SLC6A6: variants seen among roughly 807,000 people sequenced by gnomAD.
SLC6A6 encodes solute carrier family 6 member 6, also known as sodium- and chloride-dependent taurine transporter.
SLC6A6 carries 16 observed loss-of-function variants against 68.8 expected under a neutral mutation model. The ratio of observed to expected loss-of-function variants is 0.23; its 90% CI spans 0.16 to 0.35. SLC6A6 has a LOEUF of 0.35. SLC6A6 is among the 10% of genes least tolerant of loss of function. The pLI, the probability that SLC6A6 is intolerant of heterozygous loss-of-function variation, is 1.00. For synonymous variants in SLC6A6, 312 were observed against 315.4 expected (o/e 0.99, Z 0.12); for missense variants, 474 against 802.8 (o/e 0.59, Z 4.95).
chr3:14,433,101 CGTT>C (rs1699766872), intron 2 of SLC6A6, among the ~76,000 whole-genome samples: 2 of 9,328 alleles, frequency 2.1e-4, no homozygotes. Context: ...GAAGGTGGGA[CGTT>C]AGTGCTGTGA....
rs1429005207 is a variant in SLC6A6, at chr3:14,481,496, G to A, written c.1552-175G>A. Among the ~76,000 whole-genome samples, 1 of 152,012 alleles carries A rather than the reference G, an allele frequency of 6.6e-6. No individual in the cohort carries two copies. On this transcript the variant is annotated intron_variant, in intron 13 of 14. Transcript: ENST00000622186. The surrounding 1 kb of genome is among the most constrained non-coding windows in gnomAD (Gnocchi z 4.7). ...TTTGAGCAGGGAAACGACTTACTGTGTTTTTACCGGGGCGGGGGGGATCCT... is the reference window on the plus strand; with the variant it reads ...TTTGAGCAGGGAAACGACTTACTGTATTTTTACCGGGGCGGGGGGGATCCT...
chr3:14,405,452 C>T (rs781607854), intron 1 of SLC6A6, among the ~76,000 whole-genome samples: 1 of 152,210 alleles, frequency 6.6e-6, no homozygotes, highest in Non-Finnish European at 1.5e-5. Context: ...AACACATTCC[C>T]GTATATAGAA....
chr3:14,465,126 G>A (rs7611000), intron 6 of SLC6A6, among the ~76,000 whole-genome samples: 79,152 of 152,104 alleles, frequency 0.52, 22,021 homozygotes, highest in African/African-American at 0.72. Flanking sequence ...CACTAGGATC[G>A]AACTGTCCAT....
chr3:14,447,466 G>A, intron 4 of SLC6A6, 116 bp from the exon 5 acceptor site: 2 of 1,314,750 alleles, frequency 1.5e-6, no homozygotes, highest in Non-Finnish European at 2.1e-6. Context: ...GGTCACTGTT[G>A]AAAGGCCTCT....
chr3:14,441,640 T>C (rs1699990877), intron 2 of SLC6A6, among the ~76,000 whole-genome samples: 1 of 152,146 alleles, frequency 6.6e-6, no homozygotes, highest in South Asian at 2.1e-4. Context: ...GTGCCTCTGT[T>C]CCTCGAGCAC....
Position 14,468,537 on chromosome 3 carries a change from C to T in SLC6A6, c.1096+325C>T, listed in dbSNP as rs1158804177. Among the ~76,000 whole-genome samples the T allele has an allele frequency of 6.6e-6, 1 of 152,124 alleles. No homozygotes were observed. Among genetic ancestry groups the T allele is most frequent in the Non-Finnish European group, 1.5e-5 (1 of 68,016 alleles). On this transcript the variant is annotated intron_variant, in intron 9 of 14. Coordinates refer to ENST00000622186, the MANE Select transcript of SLC6A6 (RefSeq NM_003043.6). This position sits in a 1 kb window ranked among gnomAD's most constrained non-coding sequence, Gnocchi z 4.5. ...CTCCTGGTTTCCACAATAGAAACCA[C>T]TTTCCTAACTCAGGCCCAAGTCAGC...
intron 6 of SLC6A6, among the ~76,000 whole-genome samples, chr3:14,463,641 A>T (rs1406294020): frequency 6.6e-6 from 1 of 152,184 alleles, no homozygotes; most frequent in Non-Finnish European, 1.5e-5. Flanking sequence ...TGTCCTCAGG[A>T]AGGGAGAGGC....
At chr3:14,423,511 C>T (rs554573200) in intron 2 of SLC6A6, among the ~76,000 whole-genome samples, 2 of 152,306 alleles carry the variant, frequency 1.3e-5, no homozygotes, top group South Asian at 2.1e-4. Context: ...CCTTTTCATC[C>T]ACTTTCCTCA....
In SLC6A6 at chr3:14,472,149, G is replaced by A. The variant is rs1231587925; in HGVS notation, c.1097-56G>A. 23 of 1,062,388 alleles carry A rather than the reference G, an allele frequency of 2.2e-5. No individual in the cohort carries two copies. Among genetic ancestry groups the A allele is most frequent in the South Asian group, 1.3e-5 (1 of 78,660 alleles). The allele number at this position is 1,062,388 out of a possible 1,614,324, so 65.8% of individuals were successfully genotyped here. On this transcript the variant is annotated intron_variant, in intron 9 of 14. Transcript: ENST00000622186. The surrounding 1 kb of genome is among the most constrained non-coding windows in gnomAD (Gnocchi z 4.5). The stretch of plus-strand genomic sequence containing the variant: ...TTGTGTGAGCCCAGGGTTCCCAGTG[G>A]CTTGGTGGCTGATGTCTCCTCCCCT...
intron 5 of SLC6A6, among the ~76,000 whole-genome samples, chr3:14,452,961 C>T (rs1574946143): frequency 1.3e-5 from 2 of 152,232 alleles, no homozygotes; most frequent in African/African-American, 4.8e-5. Context: ...CGGCACGTAT[C>T]ATTAGACTTT....
Position 14,402,614 on chromosome 3 carries a change from C to T in SLC6A6, c.-287C>T. ...GCAGGATGGGTGATGCTGAGAGCTG[C>T]CTGCTCAGACAACAGACACGCGAGG... On this transcript the variant is annotated 5_prime_UTR_variant, in exon 1 of 15. Coordinates refer to ENST00000622186, the MANE Select transcript of SLC6A6 (RefSeq NM_003043.6). The surrounding 1 kb of genome is among the most constrained non-coding windows in gnomAD (Gnocchi z 4.8). The T allele has an allele frequency of 5.0e-6, 2 of 397,810 alleles. No homozygotes were observed. The highest frequency in any genetic ancestry group is 8.9e-6 in the Non-Finnish European group (2 of 225,586). 24.6% of individuals were successfully genotyped at this position (397,810 alleles called of 1,614,324 possible). A position where few individuals can be genotyped will look rare whatever the true frequency, so the allele number is the denominator to read the frequency against.
At chr3:14,407,929 G>A (rs551944419) in intron 1 of SLC6A6, among the ~76,000 whole-genome samples, 1 of 151,296 alleles carries the variant, frequency 6.6e-6, no homozygotes, top group East Asian at 1.9e-4. Context: ...ATCCATCTGT[G>A]CTGTTGAGTA....
At chr3:14,404,275 T>C (rs1002267284) in intron 1 of SLC6A6, among the ~76,000 whole-genome samples, 2 of 152,130 alleles carry the variant, frequency 1.3e-5, no homozygotes, top group Non-Finnish European at 2.9e-5. Flanking sequence ...GGGTGAGTGC[T>C]TAGCAACCAC....
chr3:14,467,230 C>T (rs1378768530), intron 7 of SLC6A6, among the ~76,000 whole-genome samples: 1 of 152,210 alleles, frequency 6.6e-6, no homozygotes, highest in Non-Finnish European at 1.5e-5. Context: ...AGGGCCTGTG[C>T]TCTCCTTCCC....
chr3:14,424,815 A>G (rs548544602), intron 2 of SLC6A6, among the ~76,000 whole-genome samples: 6 of 152,222 alleles, frequency 3.9e-5, no homozygotes, highest in African/African-American at 1.4e-4. Flanking sequence ...TGTCTAACCC[A>G]GTTTGCTGAC....
chr3:14,404,365 A>T (rs1699058798), intron 1 of SLC6A6, among the ~76,000 whole-genome samples: 1 of 152,062 alleles, frequency 6.6e-6, no homozygotes, highest in African/African-American at 2.4e-5. Flanking sequence ...GAATTTCATC[A>T]AGATGGTGTT....
Position 14,443,598 on chromosome 3 carries a change from G to A in SLC6A6, c.-11-26G>A, listed in dbSNP as rs746644340. The A allele has an allele frequency of 2.0e-6, 3 of 1,467,204 alleles. No individual in the cohort carries two copies. The Admixed American group carries it at 5.2e-5, about 25-fold the overall frequency. 90.9% of individuals were successfully genotyped at this position (1,467,204 alleles called of 1,614,324 possible). A position where few individuals can be genotyped will look rare whatever the true frequency, so the allele number is the denominator to read the frequency against. ...TACAGGTGGTCCCTCATCAGCTGCA[G>A]GATGCTTCTCTTTTGTCCCCCATAG... On this transcript the variant is annotated intron_variant, in intron 2 of 14. Coordinates refer to ENST00000622186, the MANE Select transcript of SLC6A6 (RefSeq NM_003043.6).
intron 2 of SLC6A6, among the ~76,000 whole-genome samples, chr3:14,431,156 A>C (rs1426209931): frequency 6.6e-6 from 1 of 152,222 alleles, no homozygotes; most frequent in Non-Finnish European, 1.5e-5. Flanking sequence ...ATCTGATGGG[A>C]AACTGTGCTC....
chr3:14,485,123 T>C lies in SLC6A6; in HGVS notation c.*116T>C. The C allele has an allele frequency of 3.7e-6, 3 of 818,506 alleles. No individual in the cohort carries two copies. The highest frequency in any genetic ancestry group is 5.6e-6 in the Non-Finnish European group (3 of 538,196). The allele number at this position is 818,506 out of a possible 1,614,324, so 50.7% of individuals were successfully genotyped here. On this transcript the variant is annotated 3_prime_UTR_variant, in exon 15 of 15. Transcript: ENST00000622186. ...ACTAGGATTTTTTTTTTTTTGTAATTGTCACAGAAAATGTAATTGTGGGTA... is the reference window on the plus strand; with the variant it reads ...ACTAGGATTTTTTTTTTTTTGTAATCGTCACAGAAAATGTAATTGTGGGTA...
Sources: gnomAD v4.1 joint callset for allele counts (sites outside exome capture counted in the v4.1 genomes callset) on GRCh38, gnomAD v4.1.1 for gene constraint, Gnocchi (gnomAD v3.1) non-coding constraint, MANE v1.5 for transcripts, NCBI Gene and HGNC (gene_info 2026-07-23, HGNC 2026-07-21) for gene names.